INTS6: variants seen among roughly 807,000 people sequenced by gnomAD.
INTS6 encodes DEAD box protein.
In INTS6, 16 loss-of-function variants were observed where a neutral mutation model predicts 104.9. That is an observed-to-expected ratio of 0.15 (90% CI 0.10 to 0.23). INTS6 has a LOEUF of 0.23. Among genes scored for constraint, INTS6 ranks in the 10% least tolerant of loss-of-function variants. INTS6 has a pLI of 1.00. For missense variants in INTS6, 584 were observed against 1,062.8 expected, an observed-to-expected ratio of 0.55 and a Z score of 6.26; for synonymous variants, 324 against 358.7, an observed-to-expected ratio of 0.90 and a Z score of 1.09.
rs151195495 is a variant in INTS6, at chr13:51,449,868, A to T, written c.339+1157T>A. 482 of 985,372 alleles carry T rather than the reference A, an allele frequency of 4.9e-4. 5 individuals are homozygous for T. The African/African-American group carries it at 7.7e-3, about 16-fold the overall frequency. The allele number at this position is 985,372 out of a possible 1,614,324, so 61.0% of individuals were successfully genotyped here. A position where few individuals can be genotyped will look rare whatever the true frequency, so the allele number is the denominator to read the frequency against. On this transcript the variant is annotated intron_variant, in intron 3 of 17. Transcript: ENST00000311234. Reference sequence around the variant, plus strand: ...TAATGTGGTAAGAAAGTACATATTTACCTAACTAAACGTTGGAAGTTCAAT... The same window carrying T: ...TAATGTGGTAAGAAAGTACATATTTTCCTAACTAAACGTTGGAAGTTCAAT...
At chr13:51,343,606 T>C in the INTS6 span, among the ~76,000 whole-genome samples, 1 of 152,236 alleles carries the variant, frequency 6.6e-6, no homozygotes, top group African/African-American at 2.4e-5. Context: ...AGCCTTTCAC[T>C]GACATTAATA....
chr13:51,433,228 G>A (rs558845522), intron 3 of INTS6, among the ~76,000 whole-genome samples: 1 of 152,252 alleles, frequency 6.6e-6, no homozygotes, highest in South Asian at 2.1e-4. Flanking sequence ...CGGATCACTT[G>A]ATGTCAGGAC....
intron 4 of INTS6, among the ~76,000 whole-genome samples, chr13:51,416,628 A>G (rs1297113127): frequency 2.0e-5 from 3 of 152,208 alleles, no homozygotes; most frequent in African/African-American, 7.2e-5. Flanking sequence ...TCATCAGGTA[A>G]TAGACATTTG....
chr13:51,334,536 T>C, the INTS6 span, among the ~76,000 whole-genome samples: 3 of 152,222 alleles, frequency 2.0e-5, no homozygotes, highest in African/African-American at 7.2e-5. Context: ...ATCAATAGAT[T>C]AAGTGTCATG....
chr13:51,385,033 A>T (rs1011107992), intron 7 of INTS6: 8 of 172,596 alleles, frequency 4.6e-5, no homozygotes, highest in African/African-American at 1.9e-4. Flanking sequence ...CTAGACACTT[A>T]ATATCACATA....
intron 4 of INTS6, chr13:51,421,063 C>T: frequency 1.2e-6 from 1 of 859,364 alleles, no homozygotes; most frequent in Non-Finnish European, 1.4e-6. Context: ...TCAGATTCTC[C>T]AACAAATAGT....
intron 4 of INTS6, among the ~76,000 whole-genome samples, chr13:51,429,763 C>CAAAAAAAAAAAAAAA (rs35873020): frequency 3.7e-5 from 1 of 27,088 alleles, no homozygotes; most frequent in Non-Finnish European, 6.3e-5. Context: ...GACTCTGTCT[C>CAAAAAAAAAAAAAAA]AAAAAAAAAA....
chr13:51,411,391 A>C (rs1956685069), intron 4 of INTS6, among the ~76,000 whole-genome samples: 1 of 151,456 alleles, frequency 6.6e-6, no homozygotes, highest in Non-Finnish European at 1.5e-5. Flanking sequence ...CGTCTCTACT[A>C]AAAATACACA....
At chr13:51,451,772 G>A (rs968517682) in intron 2 of INTS6, among the ~76,000 whole-genome samples, 3 of 150,472 alleles carry the variant, frequency 2.0e-5, no homozygotes, top group Admixed American at 6.6e-5. Flanking sequence ...GGGAGGGGAC[G>A]GCGGTGGCCC....
downstream of INTS6, chr13:51,353,965 ATAAAATT>A (rs2137801410): frequency 6.6e-6 from 1 of 152,310 alleles, no homozygotes; most frequent in Admixed American, 6.5e-5. Flanking sequence ...CTGGGGAAAT[ATAAAATT>A]GGTGTAGTGA....
intron 4 of INTS6, among the ~76,000 whole-genome samples, chr13:51,421,654 T>C (rs760480972): frequency 6.6e-6 from 1 of 152,174 alleles, no homozygotes; most frequent in Non-Finnish European, 1.5e-5. Flanking sequence ...TATAAATGAC[T>C]AGCAGCCTAA....
chr13:51,409,273 A>C (rs1272267733), intron 4 of INTS6, among the ~76,000 whole-genome samples: 2 of 67,320 alleles, frequency 3.0e-5, no homozygotes, highest in Non-Finnish European at 3.2e-5. Flanking sequence ...AAATAATAAT[A>C]ATAATAATAA....
chr13:51,443,893 T>C (rs1159822491), intron 3 of INTS6: 1 of 152,200 alleles, frequency 6.6e-6, no homozygotes, highest in Non-Finnish European at 1.5e-5. Context: ...ACAATCCTTT[T>C]AACTAATTTT....
chr13:51,353,213 G>GA (rs1955426755), downstream of INTS6, among the ~76,000 whole-genome samples: 1 of 151,812 alleles, frequency 6.6e-6, no homozygotes, highest in Non-Finnish European at 1.5e-5. Flanking sequence ...TTTAGTTTAT[G>GA]AAAAATGATA....
chr13:51,365,921 G>A, intron 17 of INTS6, 76 bp from the exon 18 acceptor site: 35 of 785,028 alleles, frequency 4.5e-5, no homozygotes, highest in South Asian at 1.5e-4. Flanking sequence ...TTTTAAGAAA[G>A]GAGAGAAAAT....
chr13:51,429,785 A>AAAAAATATATATAT (rs1156333077), intron 4 of INTS6, among the ~76,000 whole-genome samples: 11 of 92,376 alleles, frequency 1.2e-4, no homozygotes, highest in African/African-American at 5.1e-4. Context: ...AAAAAAAAAA[A>AAAAAATATATATAT]ATATATATAT....
At position 51,397,777 on chromosome 13, in the gene INTS6, T is replaced by C. The variant is rs368980901; in HGVS notation, c.430-2294A>G. 2.6e-5 allele frequency among the ~76,000 whole-genome samples: 4 copies of C among 152,182 alleles called. No individual in the cohort carries two copies. The East Asian group carries it at 5.8e-4, about 22-fold the overall frequency. On this transcript the variant is annotated intron_variant, in intron 4 of 17. Transcript: ENST00000311234. The stretch of plus-strand genomic sequence containing the variant: ...AGAATAATGGATAGATACATGGAAC[T>C]GTCTTGAGAATGTGGGGGAAAACAG...
intron 4 of INTS6, among the ~76,000 whole-genome samples, chr13:51,426,802 A>T (rs970987064): frequency 2.6e-5 from 4 of 152,132 alleles, no homozygotes; most frequent in African/African-American, 7.2e-5. Flanking sequence ...TCAGATAAAT[A>T]GAAGGTAAAT....
At chr13:51,402,502 G>C (rs1956457139) in intron 4 of INTS6, 1 of 152,180 alleles carries the variant, frequency 6.6e-6, no homozygotes, top group African/African-American at 2.4e-5. Flanking sequence ...CAAAGTTTCA[G>C]TCTAATGGAC....
Sources: allele counts gnomAD v4.1 joint callset (sites outside exome capture counted in the v4.1 genomes callset), GRCh38; gene constraint gnomAD v4.1.1; transcripts MANE v1.5; gene names NCBI Gene and HGNC (gene_info 2026-07-23, HGNC 2026-07-21).